Variants in MLXIPL observed in about 807,000 individuals in gnomAD.
MLXIPL encodes the protein carbohydrate-responsive element-binding protein.
A neutral mutation model predicts 81.5 loss-of-function variants in MLXIPL; 49 were observed. The observed-to-expected ratio is 0.60, with a 90% CI of 0.48 to 0.76. The LOEUF (loss-of-function observed/expected upper bound fraction) is 0.76. MLXIPL is among the 30% of genes least tolerant of loss of function. The probability of loss-of-function intolerance (pLI) is 0.00; values close to 1 mark genes in which losing one functional copy is unlikely to be tolerated. For missense variants in MLXIPL, 1,053 were observed against 1,167.0 expected, an observed-to-expected ratio of 0.90 and a Z score of 1.42; for synonymous variants, 466 against 485.5, an observed-to-expected ratio of 0.96 and a Z score of 0.53.
At chr7:73,641,875 C>T in the MLXIPL span, among the ~76,000 whole-genome samples, 2 of 152,012 alleles carry the variant, frequency 1.3e-5, no homozygotes, top group Non-Finnish European at 2.9e-5. Context: ...ACCTCATGAT[C>T]CGCCCACCTC....
chr7:73,599,590 AG>A lies in MLXIPL; in HGVS notation c.1006del (p.Leu336TrpfsTer12). ...VVDSLFSSGT[L>X]GPEVPPASSA... The stretch of plus-strand genomic sequence containing the variant: ...GGAAGCCGGGGGCACCTCTGGGCCC[AG>A]GGTCCCACTGCTGAAGAGGGAGTCA... On this transcript the variant is annotated frameshift_variant, in exon 8 of 17. Coordinates refer to ENST00000313375, the MANE Select transcript of MLXIPL (RefSeq NM_032951.3). LOFTEE classifies it high-confidence loss of function. The A allele has an allele frequency of 6.2e-7, 1 of 1,612,822 alleles. No individual in the cohort carries two copies. The highest frequency in any genetic ancestry group is 1.1e-5 in the South Asian group (1 of 90,984).
At chr7:73,630,756 T>C in the MLXIPL span, among the ~76,000 whole-genome samples, 1 of 152,176 alleles carries the variant, frequency 6.6e-6, no homozygotes, top group Admixed American at 6.6e-5. Flanking sequence ...TGCAGGAGGA[T>C]GTGGTACGAG....
At chr7:73,608,821 C>CT (rs1485140464) in intron 2 of MLXIPL, among the ~76,000 whole-genome samples, 2 of 152,158 alleles carry the variant, frequency 1.3e-5, no homozygotes, top group Non-Finnish European at 2.9e-5. Flanking sequence ...ACTCCAGGCT[C>CT]TTTTTTGTTT....
chr7:73,595,161 T>G (rs1301407411), intron 15 of MLXIPL, among the ~76,000 whole-genome samples: 1 of 152,108 alleles, frequency 6.6e-6, no homozygotes, highest in Non-Finnish European at 1.5e-5. Flanking sequence ...TCCCTACTTC[T>G]GTCCTGCCAA....
chr7:73,612,298 T>A (rs372852575), intron 2 of MLXIPL, among the ~76,000 whole-genome samples: 42 of 151,828 alleles, frequency 2.8e-4, no homozygotes, highest in African/African-American at 9.0e-4. Flanking sequence ...TCCACTGCAC[T>A]CCAGCCTGGG....
chr7:73,619,453 T>C (rs1584147342), intron 1 of MLXIPL, among the ~76,000 whole-genome samples: 2 of 132,100 alleles, frequency 1.5e-5, no homozygotes, highest in African/African-American at 5.8e-5. Context: ...AGAGAGCGAC[T>C]CCATCTCAAA....
chr7:73,596,395 A>C lies in MLXIPL; in HGVS notation c.1907T>G (p.Ile636Ser). The C allele has an allele frequency of 6.2e-7, 1 of 1,608,172 alleles. No homozygotes were observed. Among genetic ancestry groups the C allele is most frequent in the South Asian group, 1.1e-5 (1 of 90,862 alleles). The change falls in exon 12 of 17, where the codon ATC (isoleucine) becomes AGC (serine). Residue 636 changes from isoleucine to serine, a missense_variant. This residue lies in a region of MLXIPL where 823 missense variants were observed against 933.0 expected (regional missense o/e 0.88). Transcript: ENST00000313375. This position sits in a 1 kb window ranked among gnomAD's most constrained non-coding sequence, Gnocchi z 4.7. ...GCTGTCTGGACGGCCCCGGCTGAGG[A>C]TGGGTTGCGGGGGAGAGACACGGAC... ...LSVRVSPPQP[I>S]LSRGRPDSNK...
At chr7:73,631,662 C>G in the MLXIPL span, among the ~76,000 whole-genome samples, 33 of 148,484 alleles carry the variant, frequency 2.2e-4, no homozygotes, top group African/African-American at 7.7e-4. Flanking sequence ...CCACCTCAGC[C>G]ACTCAAAGTA....
the MLXIPL span, among the ~76,000 whole-genome samples, chr7:73,642,374 T>TA: frequency 1.3e-5 from 2 of 152,164 alleles, no homozygotes; most frequent in East Asian, 3.9e-4. Flanking sequence ...TTGTGTGTGA[T>TA]AGAGTCTCAC....
the MLXIPL span, among the ~76,000 whole-genome samples, chr7:73,634,348 G>A: frequency 0.28 from 42,570 of 151,826 alleles, 6,213 homozygotes; most frequent in African/African-American, 0.34. Context: ...CCTGGGCGAC[G>A]GAGTGAGATC....
chr7:73,624,148 C>T (rs1364846061), intron 1 of MLXIPL, 52 bp downstream of exon 1: 11 of 1,467,964 alleles, frequency 7.5e-6, no homozygotes, highest in African/African-American at 1.4e-5. Flanking sequence ...CCGGACCCCC[C>T]CCCCATCCCC....
intron 15 of MLXIPL, 41 bp from the exon 16 acceptor site, chr7:73,594,444 C>T: frequency 6.3e-7 from 1 of 1,598,886 alleles, no homozygotes; most frequent in Non-Finnish European, 8.5e-7. Flanking sequence ...CCAGCTGGTC[C>T]CCCCACACCA....
Position 73,605,566 on chromosome 7 carries a change from AAGAC to A in MLXIPL, c.901+118_901+121del, listed in dbSNP as rs1399840898. On this transcript the variant is annotated intron_variant, in intron 7 of 16. Coordinates refer to ENST00000313375, the MANE Select transcript of MLXIPL (RefSeq NM_032951.3). The stretch of plus-strand genomic sequence containing the variant: ...ATCTCAAAATAAATAAATAAATAAA[AAGAC>A]AGAAAAAAAGAAACGACCCAGACTA... 30 of 844,844 alleles carry A rather than the reference AAGAC, an allele frequency of 3.6e-5. No homozygotes were observed. In the African/African-American group the frequency reaches 4.9e-4, roughly 14 times the overall value. 52.3% of individuals were successfully genotyped at this position (844,844 alleles called of 1,614,324 possible).
chr7:73,629,200 G>A (rs1206430842), upstream of MLXIPL, among the ~76,000 whole-genome samples: 1 of 151,890 alleles, frequency 6.6e-6, no homozygotes, highest in Non-Finnish European at 1.5e-5. Flanking sequence ...GCACCACCAC[G>A]CCTGGCTAAT....
chr7:73,642,845 T>C, the MLXIPL span, among the ~76,000 whole-genome samples: 72 of 152,218 alleles, frequency 4.7e-4, no homozygotes, highest in Non-Finnish European at 9.1e-4. Context: ...CTGAACGCAT[T>C]CTCCAACCCT....
chr7:73,641,914 G>A, the MLXIPL span, among the ~76,000 whole-genome samples: 29 of 151,960 alleles, frequency 1.9e-4, 1 homozygote, highest in South Asian at 4.2e-3. Context: ...GATTACAGAC[G>A]TGAGCCACTG....
chr7:73,605,705 T>A lies in MLXIPL; in HGVS notation c.884A>T (p.Asp295Val). Residue 295 changes from aspartate to valine, a missense_variant, in exon 7 of 17, where the codon GAC (aspartate) becomes GTC (valine). Around this residue, in one of 3 missense-constraint regions of MLXIPL, gnomAD observed 823 missense variants for 933.0 expected, o/e 0.88. Coordinates refer to ENST00000313375, the MANE Select transcript of MLXIPL (RefSeq NM_032951.3). ...CGCCCCACCTGAGATGTCCATGAAG[T>A]CATCCAGGCTTGGCTGCAGTGGCGT... ...DLTPLQPSLD[D>V]FMDISDFFTN... is the part of the protein sequence containing the mutation. 6.2e-7 allele frequency: 1 copy of A among 1,613,608 alleles called. No individual in the cohort carries two copies. Among genetic ancestry groups the A allele is most frequent in the African/African-American group, 1.3e-5 (1 of 74,998 alleles).
chr7:73,617,008 G>T (rs1389407296), intron 1 of MLXIPL, among the ~76,000 whole-genome samples: 1 of 151,292 alleles, frequency 6.6e-6, no homozygotes, highest in East Asian at 2.0e-4. Context: ...GTTTGGTTTG[G>T]TTTTTTTTGG....
At chr7:73,606,813 A>C in intron 5 of MLXIPL, 161 bp downstream of exon 5, 179 of 751,628 alleles carry the variant, frequency 2.4e-4, no homozygotes, top group East Asian at 4.5e-4. Flanking sequence ...CAAGAAGAGA[A>C]GAGCTCAACA....
Sources: allele counts gnomAD v4.1 joint callset (sites outside exome capture counted in the v4.1 genomes callset), GRCh38; gene constraint gnomAD v4.1.1; regional missense constraint gnomAD v4.1.1; non-coding constraint Gnocchi (gnomAD v3.1); transcripts MANE v1.5; gene names NCBI Gene and HGNC (gene_info 2026-07-23, HGNC 2026-07-21).